CDCA7L: variants seen among roughly 807,000 people sequenced by gnomAD.
The protein encoded by CDCA7L is cell division cycle associated 7 like.
A neutral mutation model predicts 57.4 loss-of-function variants in CDCA7L; 44 were observed. The ratio of observed to expected loss-of-function variants is 0.77; its 90% CI spans 0.60 to 0.98. The LOEUF is 0.98. Among genes scored for constraint, CDCA7L ranks in the 50% least tolerant of loss-of-function variants. The pLI, the probability that CDCA7L is intolerant of heterozygous loss-of-function variation, is 0.00. For missense variants in CDCA7L, 644 were observed against 580.6 expected (o/e 1.11, Z -1.12); for synonymous variants, 236 against 202.8 (o/e 1.16, Z -1.39).
chr7:21,942,569 T>G (rs778373153), intron 1 of CDCA7L, among the ~76,000 whole-genome samples: 2 of 152,236 alleles, frequency 1.3e-5, no homozygotes, highest in African/African-American at 2.4e-5. Flanking sequence ...AAGAGCAGTT[T>G]AAATGTAATG....
At chr7:21,929,331 G>C (rs949034049) in intron 1 of CDCA7L, among the ~76,000 whole-genome samples, 4 of 152,054 alleles carry the variant, frequency 2.6e-5, no homozygotes, top group Non-Finnish European at 4.4e-5. Flanking sequence ...CGAAAAACTG[G>C]TATCAGCTAC....
chr7:21,919,242 A>G (rs542024693), intron 1 of CDCA7L, among the ~76,000 whole-genome samples: 1 of 152,252 alleles, frequency 6.6e-6, no homozygotes, highest in East Asian at 1.9e-4. Flanking sequence ...TCTACCATGT[A>G]TATCCATGGA....
chr7:21,903,954 T>G (rs909967853), intron 8 of CDCA7L, 156 bp downstream of exon 8: 11 of 611,846 alleles, frequency 1.8e-5, no homozygotes, highest in Non-Finnish European at 2.8e-5. Context: ...AAGGAATCCC[T>G]ATTTTTCATT....
At position 21,901,898 on chromosome 7, in the gene CDCA7L, G is replaced by A. The variant is rs1316854075; in HGVS notation, c.*424C>T. On this transcript the variant is annotated 3_prime_UTR_variant, in exon 10 of 10. Transcript: ENST00000406877. Reference sequence around the variant, plus strand: ...AAGAGCAGGTTAAACGATGTGTGTGGTCTATTAAACTGTGGTCACTCGTGC... The same window carrying A: ...AAGAGCAGGTTAAACGATGTGTGTGATCTATTAAACTGTGGTCACTCGTGC... The A allele has an allele frequency of 3.0e-5, 6 of 196,850 alleles. No individual in the cohort carries two copies. In the South Asian group the frequency reaches 6.8e-4, roughly 22 times the overall value. 12.2% of individuals were successfully genotyped at this position (196,850 alleles called of 1,614,324 possible).
chr7:21,945,503 C>T (rs981139949), intron 1 of CDCA7L, among the ~76,000 whole-genome samples: 7 of 151,216 alleles, frequency 4.6e-5, no homozygotes, highest in South Asian at 2.1e-4. Context: ...TAGCTCCCCG[C>T]CTGCACCCCC....
At chr7:21,903,851 A>G (rs1008545097) in intron 8 of CDCA7L, 4 of 355,392 alleles carry the variant, frequency 1.1e-5, no homozygotes, top group African/African-American at 8.4e-5. Context: ...TACTTGCATA[A>G]AACTAGAGGA....
At chr7:21,908,583 T>A in intron 3 of CDCA7L, 76 bp from the exon 4 acceptor site, 1 of 1,370,726 alleles carries the variant, frequency 7.3e-7, no homozygotes, top group Non-Finnish European at 9.6e-7. Flanking sequence ...TTAAAACAAC[T>A]GACAGCATTA....
chr7:21,903,102 G>C lies in CDCA7L; in HGVS notation c.1210C>G (p.Pro404Ala), dbSNP rs1232633977. ...CAATTGCAGATCCCACGACAGGGGG[G>C]ACACACCCAATCCTAACAGAGAGAT... ...SALLDPDWVC[P>A]PCRGICNCSY... Residue 404 changes from proline to alanine, a missense_variant, in exon 9 of 10, where the codon CCC becomes GCC. Pro to Ala is a conservative substitution (Grantham distance 27). Coordinates refer to ENST00000406877, the MANE Select transcript of CDCA7L (RefSeq NM_018719.5). The C allele has an allele frequency of 6.2e-7, 1 of 1,613,548 alleles. No individual in the cohort carries two copies. Among genetic ancestry groups the C allele is most frequent in the Non-Finnish European group, 8.5e-7 (1 of 1,179,936 alleles).
At chr7:21,929,775 CA>C (rs1785949080) in intron 1 of CDCA7L, among the ~76,000 whole-genome samples, 1 of 151,848 alleles carries the variant, frequency 6.6e-6, no homozygotes, top group African/African-American at 2.4e-5. Flanking sequence ...CAGCTAACTA[CA>C]CTAAATATAT....
At position 21,901,097 on chromosome 7, in the gene CDCA7L, C is replaced by T. The variant is rs1247656332; in HGVS notation, c.*1225G>A. 6.2e-7 allele frequency: 1 copy of T among 1,613,506 alleles called. No individual in the cohort carries two copies. The highest frequency in any genetic ancestry group is 1.3e-5 in the African/African-American group (1 of 74,932). ...ATGCCGGTCATCTTTGCAAAAGCCA[C>T]CCCCGTGGACAGACAAGAAACCAAA... On this transcript the variant is annotated 3_prime_UTR_variant, in exon 10 of 10. Coordinates refer to ENST00000406877, the MANE Select transcript of CDCA7L (RefSeq NM_018719.5).
chr7:21,923,665 G>A (rs957547461), intron 1 of CDCA7L, among the ~76,000 whole-genome samples: 4 of 152,170 alleles, frequency 2.6e-5, no homozygotes, highest in Admixed American at 2.6e-4. Flanking sequence ...ACCTAAGGGA[G>A]GTTCAGATAC....
intron 2 of CDCA7L, among the ~76,000 whole-genome samples, chr7:21,916,514 TAAAAAAAAA>T (rs71557529): frequency 7.6e-5 from 8 of 105,128 alleles, no homozygotes; most frequent in South Asian, 3.3e-4. Context: ...TCCCTTTATT[TAAAAAAAAA>T]AAAAAAAAAA....
At chr7:21,936,692 C>G (rs1292621549) in intron 1 of CDCA7L, among the ~76,000 whole-genome samples, 1 of 151,810 alleles carries the variant, frequency 6.6e-6, no homozygotes, top group Middle Eastern at 3.2e-3. Context: ...ACGAAAAACC[C>G]GCAACTAACA....
intron 7 of CDCA7L, 97 bp downstream of exon 7, chr7:21,905,409 G>T: frequency 7.4e-7 from 1 of 1,356,224 alleles, no homozygotes; most frequent in Non-Finnish European, 1.0e-6. Context: ...AGCCCTTGGT[G>T]AGATGGCATA....
At chr7:21,916,712 G>T (rs762351753) in intron 2 of CDCA7L, 42 bp downstream of exon 2, 1 of 1,588,722 alleles carries the variant, frequency 6.3e-7, no homozygotes, top group East Asian at 2.3e-5. Flanking sequence ...CAAGATTCAG[G>T]CCTCCAGATG....
chr7:21,901,368 T>A lies in CDCA7L; in HGVS notation c.*954A>T. ...ACTTTTTAGTAACTCACACGTGCAT[T>A]CTTTTTTCAACGCTATCCTTAGAGT... On this transcript the variant is annotated 3_prime_UTR_variant, in exon 10 of 10. Transcript: ENST00000406877. 1 of 1,355,294 alleles carries A rather than the reference T, an allele frequency of 7.4e-7. No homozygotes were observed. Among genetic ancestry groups the A allele is most frequent in the Non-Finnish European group, 9.6e-7 (1 of 1,039,190 alleles). 84.0% of individuals were successfully genotyped at this position (1,355,294 alleles called of 1,614,324 possible). A position where few individuals can be genotyped will look rare whatever the true frequency, so the allele number is the denominator to read the frequency against.
intron 8 of CDCA7L, among the ~76,000 whole-genome samples, chr7:21,903,604 G>C (rs1258661130): frequency 8.3e-6 from 1 of 119,946 alleles, no homozygotes; most frequent in African/African-American, 3.3e-5. Flanking sequence ...CCAGGCTCAA[G>C]GTCGTGCCTA....
intron 9 of CDCA7L, 22 bp from the exon 10 acceptor site, chr7:21,902,374 T>G: frequency 6.2e-7 from 1 of 1,611,434 alleles, no homozygotes; most frequent in South Asian, 1.1e-5. Context: ...ATGAGAAGTA[T>G]TTGGTAAAGT....
At chr7:21,912,208 G>C (rs977497181) in intron 2 of CDCA7L, among the ~76,000 whole-genome samples, 3 of 152,094 alleles carry the variant, frequency 2.0e-5, no homozygotes, top group Non-Finnish European at 4.4e-5. Flanking sequence ...GCTGCAGTGA[G>C]CTGCACACCA....
Sources: allele counts gnomAD v4.1 joint callset (sites outside exome capture counted in the v4.1 genomes callset), GRCh38; gene constraint gnomAD v4.1.1; transcripts MANE v1.5; gene names NCBI Gene and HGNC (gene_info 2026-07-23, HGNC 2026-07-21).